The following GABRA2 variants were observed in gnomAD, a reference collection of about 807,000 sequenced individuals.
GABRA2 encodes the protein gamma-aminobutyric acid type A receptor subunit alpha2, also known as gamma-aminobutyric acid receptor subunit alpha-2.
Under a neutral mutation model 48.7 loss-of-function variants are expected in GABRA2, and 16 were observed. The ratio of observed to expected loss-of-function variants is 0.33; its 90% CI spans 0.22 to 0.50. The LOEUF (loss-of-function observed/expected upper bound fraction) is 0.50. Among genes scored for constraint, GABRA2 ranks in the 20% least tolerant of loss-of-function variants. GABRA2 has a pLI of 0.98. For missense variants in GABRA2, 275 were observed against 535.6 expected (o/e 0.51, Z 4.80); for synonymous variants, 185 against 184.5 (o/e 1.00, Z -0.02).
intron 3 of GABRA2, among the ~76,000 whole-genome samples, chr4:46,353,554 C>T (rs1160022458): frequency 2.0e-5 from 3 of 152,148 alleles, no homozygotes; most frequent in Non-Finnish European, 4.4e-5. Context: ...GACTTCATCT[C>T]CTGCTAATCT....
At chr4:46,347,584 G>T (rs1407600987) in intron 3 of GABRA2, among the ~76,000 whole-genome samples, 1 of 151,834 alleles carries the variant, frequency 6.6e-6, no homozygotes, top group Non-Finnish European at 1.5e-5. Context: ...CCTGATACAA[G>T]AATCCACCCA....
At chr4:46,342,000 C>G (rs1733322573) in intron 3 of GABRA2, among the ~76,000 whole-genome samples, 1 of 151,988 alleles carries the variant, frequency 6.6e-6, no homozygotes, top group African/African-American at 2.4e-5. Flanking sequence ...ACAGACAGGT[C>G]AAATGGTGAC....
chr4:46,274,081 G>C (rs528324980), intron 8 of GABRA2, among the ~76,000 whole-genome samples: 24 of 152,208 alleles, frequency 1.6e-4, no homozygotes, highest in African/African-American at 5.8e-4. Flanking sequence ...TATTCTGTAA[G>C]TTACTGGGAG....
At chr4:46,332,534 C>T in intron 4 of GABRA2, 81 bp downstream of exon 4, 1 of 801,556 alleles carries the variant, frequency 1.2e-6, no homozygotes, top group Non-Finnish European at 2.2e-6. Context: ...AATTCTATAA[C>T]ACTAAAAATG....
At chr4:46,270,328 T>A (rs1167833001) in intron 8 of GABRA2, among the ~76,000 whole-genome samples, 1 of 152,036 alleles carries the variant, frequency 6.6e-6, no homozygotes, top group Non-Finnish European at 1.5e-5. Context: ...TCACCTTTTC[T>A]GTTTACTGCT....
At chr4:46,326,511 T>G (rs113045617) in intron 4 of GABRA2, among the ~76,000 whole-genome samples, 6 of 151,780 alleles carry the variant, frequency 4.0e-5, no homozygotes, top group African/African-American at 1.4e-4. Context: ...TTTTTTTTTT[T>G]TTTGGATCAA....
At chr4:46,381,273 AT>A (rs1403524056) in intron 3 of GABRA2, among the ~76,000 whole-genome samples, 14 of 152,190 alleles carry the variant, frequency 9.2e-5, no homozygotes, top group Admixed American at 9.2e-4. Flanking sequence ...CCTTTTATTC[AT>A]TTAACAATGT....
At chr4:46,279,240 G>A (rs1397007296) in intron 8 of GABRA2, among the ~76,000 whole-genome samples, 1 of 152,026 alleles carries the variant, frequency 6.6e-6, no homozygotes, top group Non-Finnish European at 1.5e-5. Flanking sequence ...TATACACTTT[G>A]CATTTATATA....
intron 8 of GABRA2, among the ~76,000 whole-genome samples, chr4:46,282,160 T>A (rs1357229167): frequency 5.9e-5 from 9 of 152,150 alleles, no homozygotes; most frequent in Non-Finnish European, 1.3e-4. Flanking sequence ...TGCATGATAA[T>A]CCTTCTAATG....
rs1251676443 is a variant in GABRA2 at position 46,305,452 on chromosome 4, C to A, written c.703+116G>T. On this transcript the variant is annotated intron_variant, in intron 7 of 9. Transcript: ENST00000381620. ...AACAAGCTCCCAAGCACAGCCTATG[C>A]TGCTAGTTCTTGGACCTCAAGAGCA... 3.5e-6 allele frequency: 3 copies of A among 846,660 alleles called. No homozygotes were observed. In the Admixed American group the frequency reaches 7.4e-5, roughly 21 times the overall value. 52.4% of individuals were successfully genotyped at this position (846,660 alleles called of 1,614,324 possible). A position where few individuals can be genotyped will look rare whatever the true frequency, so the allele number is the denominator to read the frequency against.
intron 4 of GABRA2, among the ~76,000 whole-genome samples, chr4:46,327,853 T>C (rs1730652805): frequency 6.6e-6 from 1 of 152,070 alleles, no homozygotes; most frequent in Non-Finnish European, 1.5e-5. Context: ...ATTTCAAGAT[T>C]ACTTCAAAGT....
At chr4:46,344,564 C>T (rs1733831956) in intron 3 of GABRA2, among the ~76,000 whole-genome samples, 1 of 151,780 alleles carries the variant, frequency 6.6e-6, no homozygotes, top group African/African-American at 2.4e-5. Flanking sequence ...GATAGTTGAA[C>T]ATATGGCAAG....
intron 4 of GABRA2, 40 bp from the exon 5 acceptor site, chr4:46,312,756 T>C (rs1358032052): frequency 1.9e-6 from 2 of 1,038,658 alleles, no homozygotes; most frequent in Non-Finnish European, 2.8e-6. Context: ...ATAGTAAATG[T>C]TGTAGACACA....
At chr4:46,288,156 A>T (rs933580018) in intron 8 of GABRA2, among the ~76,000 whole-genome samples, 3 of 152,178 alleles carry the variant, frequency 2.0e-5, no homozygotes, top group Non-Finnish European at 4.4e-5. Flanking sequence ...ATTCAAGATG[A>T]AATTTGAAAG....
chr4:46,254,724 A>G (rs1480104184), intron 9 of GABRA2, among the ~76,000 whole-genome samples: 1 of 151,532 alleles, frequency 6.6e-6, no homozygotes, highest in East Asian at 1.9e-4. Context: ...CTATGCGTGA[A>G]TGACTGATAA....
At chr4:46,285,450 A>G (rs1027525388) in intron 8 of GABRA2, among the ~76,000 whole-genome samples, 1 of 152,040 alleles carries the variant, frequency 6.6e-6, no homozygotes, top group East Asian at 1.9e-4. Context: ...ATATCTATTC[A>G]TCTATTTATC....
intron 8 of GABRA2, among the ~76,000 whole-genome samples, chr4:46,281,682 A>G (rs1443943334): frequency 6.6e-6 from 1 of 152,306 alleles, no homozygotes; most frequent in Admixed American, 6.5e-5. Flanking sequence ...CAAAAGCTTG[A>G]TTAGGTGGAT....
intron 2 of GABRA2, chr4:46,386,784 T>G (rs573152655): frequency 6.5e-6 from 1 of 152,872 alleles, no homozygotes; most frequent in Admixed American, 6.5e-5. Flanking sequence ...CCAGGCTCCA[T>G]GTAGCCAGGA....
intron 1 of GABRA2, chr4:46,388,956 C>T: frequency 8.0e-7 from 1 of 1,250,668 alleles, no homozygotes; most frequent in Non-Finnish European, 1.0e-6. Flanking sequence ...CTTTCTTTAA[C>T]AGCAAGATGA....
Sources: gnomAD v4.1 joint callset for allele counts (sites outside exome capture counted in the v4.1 genomes callset) on GRCh38, gnomAD v4.1.1 for gene constraint, MANE v1.5 for transcripts, NCBI Gene and HGNC (gene_info 2026-07-23, HGNC 2026-07-21) for gene names.